The following KIF20B variants were observed in gnomAD, a reference collection of about 807,000 sequenced individuals.
KIF20B encodes the protein kinesin-like protein KIF20B.
A neutral mutation model predicts 232.5 loss-of-function variants in KIF20B; 188 were observed. That is an observed-to-expected ratio of 0.81 (90% confidence interval 0.72 to 0.91). KIF20B has a LOEUF of 0.91. KIF20B is among the 40% of genes least tolerant of loss of function. The pLI, the probability that KIF20B is intolerant of heterozygous loss-of-function variation, is 0.00. For synonymous variants in KIF20B, 712 were observed against 683.0 expected, an observed-to-expected ratio of 1.04 and a Z score of -0.66; for missense variants, 2,154 against 2,055.9, an observed-to-expected ratio of 1.05 and a Z score of -0.92.
chr10:89,752,802 A>G (rs1052574098), intron 25 of KIF20B, 111 bp downstream of exon 25: 22 of 693,036 alleles, frequency 3.2e-5, no homozygotes, highest in African/African-American at 9.5e-5. Context: ...TATGGGTGAA[A>G]TAATACCTGG....
intron 31 of KIF20B, 61 bp downstream of exon 31, chr10:89,768,949 T>G (rs1268409354): frequency 1.5e-6 from 2 of 1,318,650 alleles, no homozygotes; most frequent in Non-Finnish European, 2.1e-6. Context: ...TTTTAATACC[T>G]AATTGATATA....
chr10:89,743,289 T>A (rs12358538), intron 21 of KIF20B, among the ~76,000 whole-genome samples: 519 of 152,368 alleles, frequency 3.4e-3, no homozygotes, highest in Middle Eastern at 0.01. Flanking sequence ...TCCCTACGTT[T>A]ATGGCATTAG....
At chr10:89,744,028 C>A in intron 22 of KIF20B, 101 bp downstream of exon 22, 2 of 893,106 alleles carry the variant, frequency 2.2e-6, no homozygotes, top group Non-Finnish European at 1.6e-6. Context: ...CCTGTTTTGA[C>A]TTTTTCTAGA....
chr10:89,768,349 T>G lies in KIF20B; in HGVS notation c.5049T>G (p.Pro1683=). The change falls in exon 30 of 33, where the codon CCT becomes CCG. Residue 1683 remains proline (P), a synonymous_variant. Transcript: ENST00000371728. ...NATPRTNLKF[P]ISDDRNSSVK... is the part of the protein sequence containing the mutation. ...CACCCAGAACTAATTTGAAATTTCC[T>G]ATTTCAGATGATAGAAATTCTTCTG... The G allele has an allele frequency of 6.3e-7, 1 of 1,592,214 alleles. No homozygotes were observed. Among genetic ancestry groups the G allele is most frequent in the Non-Finnish European group, 8.6e-7 (1 of 1,168,442 alleles).
At chr10:89,714,011 TG>T (rs1324754189) in intron 6 of KIF20B, 35 bp from the exon 7 acceptor site, 8 of 1,075,094 alleles carry the variant, frequency 7.4e-6, no homozygotes, top group South Asian at 3.5e-5. Flanking sequence ...TTAATGAAAA[TG>T]TTTTTTTAAT....
chr10:89,752,056 T>G (rs1199901743), intron 24 of KIF20B, among the ~76,000 whole-genome samples: 1 of 152,096 alleles, frequency 6.6e-6, no homozygotes, highest in Non-Finnish European at 1.5e-5. Flanking sequence ...ATATGTACTA[T>G]TGCACATTAT....
chr10:89,768,920 T>C, intron 31 of KIF20B, 32 bp downstream of exon 31: 1 of 1,536,510 alleles, frequency 6.5e-7, no homozygotes, highest in Non-Finnish European at 8.8e-7. Flanking sequence ...TGACCTTTTT[T>C]TGTTAGATGT....
chr10:89,762,977 T>C, intron 29 of KIF20B, 142 bp downstream of exon 29: 1 of 647,644 alleles, frequency 1.5e-6, no homozygotes, highest in South Asian at 1.9e-5. Flanking sequence ...CTATATTTTA[T>C]ACCCTTTAAG....
In KIF20B at chr10:89,774,012, T is replaced by A. The variant is rs958846105; in HGVS notation, c.5427T>A (p.Ile1809=). ...AAATGAAGGAGAGTGATCACCAGAT[T>A]ATCAAACGACGACTTCGAACAAAAA... ...DQKMKESDHQ[I]IKRRLRTKTA... Residue 1809 remains isoleucine (I), a synonymous_variant, in exon 33 of 33, where the codon ATT becomes ATA. Coordinates refer to ENST00000371728, the MANE Select transcript of KIF20B (RefSeq NM_001284259.2). 19 of 1,593,100 alleles carry A rather than the reference T, an allele frequency of 1.2e-5. No homozygotes were observed. The highest frequency in any genetic ancestry group is 1.5e-5 in the Non-Finnish European group (18 of 1,168,620).
chr10:89,758,452 A>G (rs1011877913), intron 26 of KIF20B, among the ~76,000 whole-genome samples: 6 of 152,058 alleles, frequency 3.9e-5, no homozygotes, highest in African/African-American at 1.4e-4. Flanking sequence ...TATAGCTGTA[A>G]TTGTGTATTG....
Position 89,725,151 on chromosome 10 carries a change from A to G in KIF20B, c.1994A>G (p.Glu665Gly), listed in dbSNP as rs761932655. ...AAKDICATKVETEETHNYVGF... is the reference protein window; with the variant it reads ...AAKDICATKVGTEETHNYVGF... ...AAAGACATTTGTGCCACAAAAGTTG[A>G]AACTGAAGTATGTTAATTGAAGTAT... The change falls in exon 15 of 33, where the codon GAA becomes GGA. Residue 665 changes from glutamate to glycine, a missense_variant. Transcript: ENST00000371728. 6.2e-7 allele frequency: 1 copy of G among 1,614,012 alleles called. No individual in the cohort carries two copies. The highest frequency in any genetic ancestry group is 8.5e-7 in the Non-Finnish European group (1 of 1,179,928).
intron 8 of KIF20B, among the ~76,000 whole-genome samples, chr10:89,715,658 A>C (rs1842921157): frequency 6.6e-6 from 1 of 152,230 alleles, no homozygotes; most frequent in African/African-American, 2.4e-5. Flanking sequence ...TTTTACTACA[A>C]GGAATGCACT....
At chr10:89,764,740 G>A (rs7342009) in intron 29 of KIF20B, among the ~76,000 whole-genome samples, 1 of 150,642 alleles carries the variant, frequency 6.6e-6, no homozygotes, top group African/African-American at 2.4e-5. Flanking sequence ...TTTTGATGGG[G>A]TTGTTTGTTT....
intron 13 of KIF20B, chr10:89,723,653 T>C (rs1318725568): frequency 1.2e-5 from 2 of 160,530 alleles, no homozygotes; most frequent in East Asian, 3.5e-4. Flanking sequence ...ATGAAGCAAA[T>C]ATGGAACTCC....
intron 22 of KIF20B, among the ~76,000 whole-genome samples, 179 bp from the exon 23 acceptor site, chr10:89,745,720 C>T (rs1001652709): frequency 1.3e-5 from 2 of 151,984 alleles, no homozygotes; most frequent in African/African-American, 4.8e-5. Context: ...CCTGCTCTCA[C>T]CCTACCCTTT....
At chr10:89,717,530 A>G (rs1353804366) in intron 10 of KIF20B, 35 bp downstream of exon 10, 2 of 1,584,692 alleles carry the variant, frequency 1.3e-6, no homozygotes, top group South Asian at 2.3e-5. Context: ...AATTATTTGT[A>G]ATTGTTTTGA....
chr10:89,751,855 A>G (rs997786042), intron 24 of KIF20B, among the ~76,000 whole-genome samples: 6 of 152,124 alleles, frequency 3.9e-5, no homozygotes, highest in East Asian at 1.9e-4. Flanking sequence ...ATACCATCAG[A>G]GTTTTTCTAG....
chr10:89,722,067 A>G (rs1218279977), intron 13 of KIF20B, among the ~76,000 whole-genome samples: 1 of 151,824 alleles, frequency 6.6e-6, no homozygotes, highest in African/African-American at 2.4e-5. Flanking sequence ...GCATGCCACC[A>G]CCCCTAACTA....
At chr10:89,710,493 T>C (rs1474076495) in intron 5 of KIF20B, among the ~76,000 whole-genome samples, 1 of 152,188 alleles carries the variant, frequency 6.6e-6, no homozygotes, top group Non-Finnish European at 1.5e-5. Flanking sequence ...CCTTCCAAAG[T>C]GCTTGGATTA....
Sources: gnomAD v4.1 joint callset for allele counts (sites outside exome capture counted in the v4.1 genomes callset) on GRCh38, gnomAD v4.1.1 for gene constraint, MANE v1.5 for transcripts, NCBI Gene and HGNC (gene_info 2026-07-23, HGNC 2026-07-21) for gene names.